The following DSCAM variants were observed in gnomAD, a reference collection of about 807,000 sequenced individuals.
DSCAM encodes cell adhesion molecule DSCAM.
DSCAM carries 47 observed loss-of-function variants against 217.7 expected under a neutral mutation model. The ratio of observed to expected loss-of-function variants is 0.22; its 90% CI spans 0.17 to 0.28. The LOEUF is 0.28. DSCAM is among the 10% of genes least tolerant of loss of function. The probability of loss-of-function intolerance (pLI) is 1.00; values close to 1 mark genes in which losing one functional copy is unlikely to be tolerated. For missense variants in DSCAM, 2,080 were observed against 2,618.3 expected, an observed-to-expected ratio of 0.79 and a Z score of 4.49; for synonymous variants, 1,056 against 1,015.3, an observed-to-expected ratio of 1.04 and a Z score of -0.76.
chr21:40,609,780 C>T (rs1418885701), intron 3 of DSCAM, among the ~76,000 whole-genome samples: 2 of 152,184 alleles, frequency 1.3e-5, no homozygotes, highest in African/African-American at 2.4e-5. Context: ...GAATTAGGAG[C>T]TAATGGGAGG....
At chr21:40,472,007 T>C (rs1036413927) in intron 3 of DSCAM, among the ~76,000 whole-genome samples, 5 of 152,246 alleles carry the variant, frequency 3.3e-5, no homozygotes, top group Non-Finnish European at 7.4e-5. Context: ...AGTGTTCTCA[T>C]TGTTCAATTC....
intron 1 of DSCAM, among the ~76,000 whole-genome samples, chr21:40,796,127 A>T (rs2091689447): frequency 6.6e-6 from 1 of 152,018 alleles, no homozygotes; most frequent in African/African-American, 2.4e-5. Flanking sequence ...TCTTGTCCCA[A>T]CTCTTCACTC....
At chr21:40,515,954 A>G (rs2076296081) in intron 3 of DSCAM, among the ~76,000 whole-genome samples, 1 of 152,036 alleles carries the variant, frequency 6.6e-6, no homozygotes, top group Non-Finnish European at 1.5e-5. Flanking sequence ...TTCATAGATA[A>G]CCCTCAAAGA....
intron 27 of DSCAM, among the ~76,000 whole-genome samples, chr21:40,065,784 TG>T (rs2089198221): frequency 6.6e-6 from 1 of 152,324 alleles, no homozygotes; most frequent in South Asian, 2.1e-4. Context: ...TGCCCAACAC[TG>T]ATACCCACAC....
chr21:40,425,162 A>G (rs2075460240), intron 3 of DSCAM, among the ~76,000 whole-genome samples: 1 of 152,204 alleles, frequency 6.6e-6, no homozygotes, highest in Non-Finnish European at 1.5e-5. Context: ...CAACTCCAAA[A>G]CAGAACCAAG....
chr21:40,306,521 A>G (rs1246805565), intron 9 of DSCAM, among the ~76,000 whole-genome samples: 1 of 145,756 alleles, frequency 6.9e-6, no homozygotes, highest in Non-Finnish European at 1.5e-5. Context: ...GTCTTGTGCC[A>G]GTTTTCAAAG....
chr21:40,641,495 T>C (rs1305402979), intron 3 of DSCAM, among the ~76,000 whole-genome samples: 3 of 152,188 alleles, frequency 2.0e-5, no homozygotes, highest in African/African-American at 7.2e-5. Flanking sequence ...GACGGTTATT[T>C]GAGTGAAAAC....
At chr21:40,338,978 G>A in intron 7 of DSCAM, 141 bp downstream of exon 7, 1 of 1,069,042 alleles carries the variant, frequency 9.4e-7, no homozygotes, top group Non-Finnish European at 1.3e-6. Context: ...CCATTCCTGA[G>A]TAGGAAGGAG....
intron 3 of DSCAM, among the ~76,000 whole-genome samples, chr21:40,670,500 T>G (rs576238555): frequency 4.6e-4 from 63 of 136,060 alleles, no homozygotes; most frequent in African/African-American, 1.5e-3. Flanking sequence ...ATCGCGCCAT[T>G]GCACTCCAGC....
intron 1 of DSCAM, among the ~76,000 whole-genome samples, chr21:40,836,481 C>G (rs981562609): frequency 2.6e-5 from 4 of 152,166 alleles, no homozygotes; most frequent in African/African-American, 9.7e-5. Flanking sequence ...TTACTAAACC[C>G]CAGCACCAAT....
Position 40,075,156 on chromosome 21 carries a change from T to C in DSCAM, c.4769A>G (p.Asn1590Ser), listed in dbSNP as rs751243455. Reference protein sequence around the residue: ...VVQNEEGLTTNEGLKMLVTIS... With the variant: ...VVQNEEGLTTSEGLKMLVTIS... Reference sequence around the variant, plus strand: ...GGTCACCAGCATCTTGAGCCCCTCGTTGGTCGTCAGCCCTTCTTCGTTTTG... The same window carrying C: ...GGTCACCAGCATCTTGAGCCCCTCGCTGGTCGTCAGCCCTTCTTCGTTTTG... The change falls in exon 27 of 33, where the codon AAC becomes AGC. Residue 1590 changes from asparagine (N) to serine (S), a missense_variant. By Grantham distance (46) the Asn-to-Ser change is conservative. Around this residue, in one of 5 missense-constraint regions of DSCAM, gnomAD observed 1,144 missense variants for 1,421.1 expected, o/e 0.81. Transcript: ENST00000400454. 7 of 1,614,144 alleles carry C rather than the reference T, an allele frequency of 4.3e-6. No individual in the cohort carries two copies. The highest frequency in any genetic ancestry group is 3.3e-5 in the Admixed American group (2 of 60,026).
intron 6 of DSCAM, among the ~76,000 whole-genome samples, chr21:40,342,644 A>AT (rs148949132): frequency 1.1e-5 from 1 of 89,326 alleles, no homozygotes; most frequent in African/African-American, 4.8e-5. Context: ...ATATATATAT[A>AT]TATATTTTTT....
At position 40,252,848 on chromosome 21, in the gene DSCAM, T is replaced by G. The variant is rs528338370; in HGVS notation, c.2356+23249A>C. On this transcript the variant is annotated intron_variant, in intron 11 of 32. Transcript: ENST00000400454. The stretch of plus-strand genomic sequence containing the variant: ...AACTTCCCAACGTATAAAACAAAAT[T>G]GGGGGAAGTGGGGAGAAAGAGAAAA... Among the ~76,000 whole-genome samples the G allele has an allele frequency of 2.0e-5, 3 of 152,082 alleles. No individual in the cohort carries two copies. The East Asian group carries it at 5.8e-4, about 29-fold the overall frequency.
intron 1 of DSCAM, among the ~76,000 whole-genome samples, chr21:40,784,105 ATTC>A (rs2091571457): frequency 6.6e-6 from 1 of 150,978 alleles, no homozygotes; most frequent in African/African-American, 2.4e-5. Flanking sequence ...ACTATTTATT[ATTC>A]ATTTTATTAG....
rs1323708023 is a variant in DSCAM at position 40,078,935 on chromosome 21, T to C, written c.4463A>G (p.Asn1488Ser). The change falls in exon 26 of 33, where the codon AAC becomes AGC. Residue 1488 changes from asparagine to serine, a missense_variant. This residue lies in a region of DSCAM where 1,144 missense variants were observed against 1,421.1 expected (regional missense o/e 0.81). Transcript: ENST00000400454. ...SKEQELFASI[N>S]TTRVRLNLIG... is the part of the protein sequence containing the mutation. ...GAGGTTCAGCCTCACGCGTGTGGTG[T>C]TGATGCTGGCAAACAGCTCCTGCTC... The C allele has an allele frequency of 1.9e-6, 3 of 1,614,214 alleles. No individual in the cohort carries two copies. The highest frequency in any genetic ancestry group is 1.7e-6 in the Non-Finnish European group (2 of 1,180,030).
intron 3 of DSCAM, among the ~76,000 whole-genome samples, chr21:40,546,865 T>A (rs1382695964): frequency 6.6e-6 from 1 of 152,076 alleles, no homozygotes; most frequent in Non-Finnish European, 1.5e-5. Flanking sequence ...ACACTTCCCC[T>A]TTTCAGGAGA....
At chr21:40,395,933 A>G (rs2123764065) in intron 3 of DSCAM, among the ~76,000 whole-genome samples, 1 of 152,232 alleles carries the variant, frequency 6.6e-6, no homozygotes, top group East Asian at 1.9e-4. Context: ...ATCAGCCATC[A>G]GTTCGGAATG....
intron 3 of DSCAM, among the ~76,000 whole-genome samples, chr21:40,651,119 T>C (rs893526300): frequency 6.6e-6 from 1 of 152,142 alleles, no homozygotes; most frequent in Non-Finnish European, 1.5e-5. Context: ...GCTTTGTGGG[T>C]GCACAGCTGA....
At chr21:40,492,567 G>A (rs2076084577) in intron 3 of DSCAM, among the ~76,000 whole-genome samples, 1 of 151,626 alleles carries the variant, frequency 6.6e-6, no homozygotes, top group African/African-American at 2.4e-5. Flanking sequence ...AGCAAATTCT[G>A]GAGCTAGAAA....
Sources: allele counts gnomAD v4.1 joint callset (sites outside exome capture counted in the v4.1 genomes callset), GRCh38; gene constraint gnomAD v4.1.1; regional missense constraint gnomAD v4.1.1; transcripts MANE v1.5; gene names NCBI Gene and HGNC (gene_info 2026-07-23, HGNC 2026-07-21).